HADHB: variants seen among roughly 807,000 people sequenced by gnomAD.
HADHB encodes hydroxyacyl-CoA dehydrogenase trifunctional multienzyme complex subunit beta, also known as trifunctional enzyme subunit beta, mitochondrial.
In HADHB, 50 loss-of-function variants were observed where a neutral mutation model predicts 61.9. That is an observed-to-expected ratio of 0.81 (90% CI 0.64 to 1.02). The LOEUF is 1.02. HADHB is among the 50% of genes least tolerant of loss of function. HADHB has a pLI of 0.00. For synonymous variants in HADHB, 191 were observed against 201.6 expected, an observed-to-expected ratio of 0.95 and a Z score of 0.45; for missense variants, 504 against 586.5, an observed-to-expected ratio of 0.86 and a Z score of 1.45.
chr2:26,271,146 C>T (rs1205800391), intron 5 of HADHB, among the ~76,000 whole-genome samples: 4 of 149,972 alleles, frequency 2.7e-5, no homozygotes, highest in African/African-American at 9.8e-5. Flanking sequence ...CCGCCCTCCT[C>T]GGCCTCCCAA....
chr2:26,285,328 A>C (rs1467529505), intron 14 of HADHB, 79 bp from the exon 15 acceptor site: 1 of 1,223,338 alleles, frequency 8.2e-7, no homozygotes, highest in Non-Finnish European at 1.2e-6. Context: ...TATCTCTCTT[A>C]CTTCGTAGTA....
intron 13 of HADHB, 116 bp from the exon 14 acceptor site, chr2:26,284,767 G>A (rs545747891): frequency 5.0e-5 from 38 of 754,258 alleles, no homozygotes; most frequent in South Asian, 2.6e-4. Context: ...GTGCCTGGCC[G>A]ATTTGTTCAA....
chr2:26,261,237 A>G (rs1004392929), intron 3 of HADHB: 1 of 496,516 alleles, frequency 2.0e-6, no homozygotes, highest in African/African-American at 1.9e-5. Context: ...AGACAAACAA[A>G]AAAAGTATCT....
chr2:26,252,970 T>C (rs1671461713), intron 1 of HADHB, among the ~76,000 whole-genome samples: 1 of 152,236 alleles, frequency 6.6e-6, no homozygotes, highest in Non-Finnish European at 1.5e-5. Context: ...CTACACAGAG[T>C]ATATATCAAA....
At chr2:26,270,722 G>T (rs183262425) in intron 5 of HADHB, among the ~76,000 whole-genome samples, 71 of 152,154 alleles carry the variant, frequency 4.7e-4, no homozygotes, top group African/African-American at 1.6e-3. Context: ...ATGGTTTTAT[G>T]ATTGCTCAAT....
At chr2:26,249,011 C>T (rs532040976) in intron 1 of HADHB, among the ~76,000 whole-genome samples, 12 of 151,472 alleles carry the variant, frequency 7.9e-5, no homozygotes, top group Admixed American at 3.9e-4. Flanking sequence ...GAGCCGAGAT[C>T]GCGCCATTGC....
At chr2:26,273,223 C>G (rs1268125104) in intron 5 of HADHB, among the ~76,000 whole-genome samples, 1 of 151,538 alleles carries the variant, frequency 6.6e-6, no homozygotes, top group Non-Finnish European at 1.5e-5. Flanking sequence ...ACTGATATTT[C>G]AAACTAAAAT....
intron 5 of HADHB, among the ~76,000 whole-genome samples, chr2:26,270,749 A>G (rs570524195): frequency 6.6e-6 from 1 of 152,134 alleles, no homozygotes; most frequent in South Asian, 2.1e-4. Context: ...ATCCTTTCTC[A>G]GTCCTCTGTC....
At chr2:26,281,391 T>A (rs1403871286) in intron 10 of HADHB, among the ~76,000 whole-genome samples, 1 of 152,152 alleles carries the variant, frequency 6.6e-6, no homozygotes, top group Non-Finnish European at 1.5e-5. Context: ...TAATGCCTGC[T>A]CTTGATAGGC....
intron 1 of HADHB, among the ~76,000 whole-genome samples, chr2:26,247,736 G>A (rs1489808395): frequency 6.6e-6 from 1 of 152,092 alleles, no homozygotes; most frequent in Admixed American, 6.5e-5. Context: ...GATTTACATT[G>A]CATTCGGTAT....
chr2:26,285,751 T>TTTTTTTTTTTTTTTTTTTTTTTTTG (rs1673008268), intron 15 of HADHB, among the ~76,000 whole-genome samples, 180 bp downstream of exon 15: 1 of 127,100 alleles, frequency 7.9e-6, no homozygotes, highest in Non-Finnish European at 1.7e-5. Context: ...TTTTTTTTTT[T>TTTTTTTTTTTTTTTTTTTTTTTTTG]TTTTTTGAGA....
rs112842641 is a variant in HADHB, at chr2:26,273,650, G to A, written c.255-1G>A. ...TCTTTGCTTTGGATTTCTACTTCCA[G>A]GGGTTTGTTGCATCGGACCAGTGTC... On this transcript the variant is annotated splice_acceptor_variant, in intron 5 of 15. Transcript: ENST00000317799. LOFTEE classifies it high-confidence loss of function. 1.6e-5 allele frequency: 24 copies of A among 1,542,762 alleles called. No individual in the cohort carries two copies. Among genetic ancestry groups the A allele is most frequent in the Admixed American group, 1.7e-5 (1 of 59,916 alleles).
chr2:26,255,413 T>A (rs746959388), intron 3 of HADHB, among the ~76,000 whole-genome samples: 7 of 150,608 alleles, frequency 4.6e-5, no homozygotes, highest in Non-Finnish European at 4.4e-5. Context: ...GACACGAGAA[T>A]CTTTGAACCC....
chr2:26,280,214 G>C (rs904911557), intron 10 of HADHB, 99 bp downstream of exon 10: 2 of 942,008 alleles, frequency 2.1e-6, no homozygotes, highest in Admixed American at 3.7e-5. Context: ...TATGAATAGA[G>C]GGTTAAAAAT....
At chr2:26,283,501 G>A (rs1672888243) in intron 12 of HADHB, among the ~76,000 whole-genome samples, 1 of 152,130 alleles carries the variant, frequency 6.6e-6, no homozygotes, top group Non-Finnish European at 1.5e-5. Context: ...TCCAGCCTGG[G>A]CGACAGAGCG....
chr2:26,246,432 C>T (rs1171797572), intron 1 of HADHB, among the ~76,000 whole-genome samples: 1 of 151,676 alleles, frequency 6.6e-6, no homozygotes, highest in African/African-American at 2.4e-5. Flanking sequence ...AGCCTCCTCC[C>T]GGGTTCAAGT....
chr2:26,255,627 C>T (rs896491798), intron 3 of HADHB, among the ~76,000 whole-genome samples: 6 of 152,090 alleles, frequency 3.9e-5, no homozygotes, highest in African/African-American at 7.2e-5. Context: ...CTTTACTTCC[C>T]TGTGCTTGGT....
At chr2:26,276,459 T>C (rs1428226917) in intron 6 of HADHB, among the ~76,000 whole-genome samples, 1 of 152,256 alleles carries the variant, frequency 6.6e-6, no homozygotes, top group Non-Finnish European at 1.5e-5. Context: ...GCATTGGGTC[T>C]GCAGTGTGCT....
At chr2:26,267,208 G>C (rs1672123030) in intron 4 of HADHB, among the ~76,000 whole-genome samples, 1 of 152,076 alleles carries the variant, frequency 6.6e-6, no homozygotes, top group East Asian at 1.9e-4. Context: ...TTCATACCCA[G>C]ATCTTGGTTT....
Sources: gnomAD v4.1 joint callset for allele counts (sites outside exome capture counted in the v4.1 genomes callset) on GRCh38, gnomAD v4.1.1 for gene constraint, MANE v1.5 for transcripts, NCBI Gene and HGNC (gene_info 2026-07-23, HGNC 2026-07-21) for gene names.